The following CCDC80 variants were observed in gnomAD, a reference collection of about 807,000 sequenced individuals.
CCDC80 encodes the protein coiled-coil domain containing 80.
CCDC80 carries 49 observed loss-of-function variants against 78.7 expected under a neutral mutation model. The observed-to-expected ratio is 0.62, with a 90% CI of 0.50 to 0.79. The LOEUF (loss-of-function observed/expected upper bound fraction) is 0.79. Among genes scored for constraint, CCDC80 ranks in the 30% least tolerant of loss-of-function variants. The pLI is 0.00. For synonymous variants in CCDC80, 488 were observed against 447.0 expected, an observed-to-expected ratio of 1.09 and a Z score of -1.16; for missense variants, 1,205 against 1,198.6, an observed-to-expected ratio of 1.01 and a Z score of -0.08.
chr3:112,610,169 AT>A (rs761208387), intron 5 of CCDC80, 88 bp from the exon 6 acceptor site: 8 of 1,130,820 alleles, frequency 7.1e-6, no homozygotes, highest in Admixed American at 1.9e-5. Context: ...TAGGCTAGCA[AT>A]TTTTTTCTGT....
chr3:112,615,112 A>G (rs1479557705), intron 5 of CCDC80, among the ~76,000 whole-genome samples: 2 of 152,214 alleles, frequency 1.3e-5, no homozygotes, highest in Non-Finnish European at 2.9e-5. Flanking sequence ...AGGTTAATTG[A>G]AAAGGATCAA....
chr3:112,639,715 G>A lies in CCDC80; in HGVS notation c.191C>T (p.Ser64Phe). Residue 64 changes from serine (S) to phenylalanine (F), a missense_variant, in exon 2 of 8, where the codon TCC (serine) becomes TTC (phenylalanine). Transcript: ENST00000206423. ...HTGRSRGIER[S>F]TLEEPNLQPL... ...CTGAAGGTTTGGTTCCTCCAGAGTG[G>A]ATCTCTCAATTCCGCGAGACCTCCC... The A allele has an allele frequency of 6.2e-7, 1 of 1,614,164 alleles. No homozygotes were observed. Among genetic ancestry groups the A allele is most frequent in the African/African-American group, 1.3e-5 (1 of 75,024 alleles).
Position 112,611,967 on chromosome 3 carries a change from C to G in CCDC80, c.2322-1886G>C, listed in dbSNP as rs139219010. Among the ~76,000 whole-genome samples the G allele has an allele frequency of 1.7e-4, 25 of 151,032 alleles. No homozygotes were observed. In the East Asian group the frequency reaches 4.9e-3, roughly 29 times the overall value. On this transcript the variant is annotated intron_variant, in intron 5 of 7. Transcript: ENST00000206423. ...GAGAAAATGATAGTTTGATGAAATA[C>G]AACCTCTGAATGGATGCCTGCCGCA...
At chr3:112,619,838 T>G (rs1935827032) in intron 3 of CCDC80, among the ~76,000 whole-genome samples, 1 of 152,208 alleles carries the variant, frequency 6.6e-6, no homozygotes, top group Non-Finnish European at 1.5e-5. Flanking sequence ...ACTAGTGGCT[T>G]TACATGGCAA....
chr3:112,618,246 C>T (rs141928301), intron 4 of CCDC80, among the ~76,000 whole-genome samples: 11 of 152,276 alleles, frequency 7.2e-5, no homozygotes, highest in Admixed American at 5.9e-4. Flanking sequence ...TTTGGCAGGG[C>T]GTGGTGGCTC....
chr3:112,638,927 G>T lies in CCDC80; in HGVS notation c.979C>A (p.Arg327=), dbSNP rs753043836. The stretch of plus-strand genomic sequence containing the variant: ...GCCAGTTTTCTCAGGACCTTCACCC[G>T]ACTCTCTCTGGTTGGTGGGACTTGT... The part of the protein sequence containing the change: ...RAQVPPTRES[R]VKVLRKLAAT... Residue 327 remains arginine (R), a synonymous_variant, in exon 2 of 8, where the codon CGG becomes AGG. Transcript: ENST00000206423. The T allele has an allele frequency of 6.2e-7, 1 of 1,613,224 alleles. No homozygotes were observed.
chr3:112,631,796 A>G (rs1286639408), intron 2 of CCDC80, among the ~76,000 whole-genome samples: 1 of 152,164 alleles, frequency 6.6e-6, no homozygotes, highest in African/African-American at 2.4e-5. Flanking sequence ...TCCCCGCATG[A>G]CAAAATACTC....
intron 5 of CCDC80, among the ~76,000 whole-genome samples, chr3:112,615,624 C>T (rs1336505362): frequency 2.0e-5 from 3 of 151,992 alleles, no homozygotes; most frequent in East Asian, 1.9e-4. Flanking sequence ...CATTTCCAGA[C>T]GATTAAGGCA....
chr3:112,641,061 T>C lies in CCDC80; in HGVS notation c.-746A>G, dbSNP rs1559883989. 6.6e-6 allele frequency: 1 copy of C among 152,376 alleles called. No individual in the cohort carries two copies. Among genetic ancestry groups the C allele is most frequent in the East Asian group, 1.9e-4 (1 of 5,188 alleles). 9.4% of individuals were successfully genotyped at this position (152,376 alleles called of 1,614,324 possible). Reference sequence around the variant, plus strand: ...CCACTGGAAATCAAGGAAACTTCACTAAGAATTTAACAGATCAGCAAAACA... The same window carrying C: ...CCACTGGAAATCAAGGAAACTTCACCAAGAATTTAACAGATCAGCAAAACA... On this transcript the variant is annotated 5_prime_UTR_variant, in exon 1 of 8. The change abolishes the stop of an existing upstream ORF in the 5' untranslated region. Coordinates refer to ENST00000206423, the MANE Select transcript of CCDC80 (RefSeq NM_199511.3).
chr3:112,612,682 C>A (rs528820122), intron 5 of CCDC80, among the ~76,000 whole-genome samples: 65 of 152,216 alleles, frequency 4.3e-4, no homozygotes, highest in African/African-American at 1.5e-3. Flanking sequence ...TATGCATTTG[C>A]CCACTCTTTG....
In CCDC80 at chr3:112,603,374, G is replaced by A. The variant is rs1159991936; in HGVS notation, c.*2043C>T. The A allele has an allele frequency of 6.6e-6, 1 of 151,776 alleles. No homozygotes were observed. The highest frequency in any genetic ancestry group is 2.4e-5 in the African/African-American group (1 of 41,294). 9.4% of individuals were successfully genotyped at this position (151,776 alleles called of 1,614,324 possible). A position where few individuals can be genotyped will look rare whatever the true frequency, so the allele number is the denominator to read the frequency against. ...TACTAAAAATACAAAAATAAGCTGG[G>A]TGTAGTGGTGGGCGCCTGTAAATCC... On this transcript the variant is annotated 3_prime_UTR_variant, in exon 8 of 8. Transcript: ENST00000206423.
rs1465621267 is a variant in CCDC80 at position 112,605,436 on chromosome 3, T to G, written c.2834A>C (p.His945Pro). ...TTCTGCTCAGTAAGGGTATCCATGG[T>G]GATAACTCTCATGATGACGGTAGTC... ...QDDYRHHESY[H>P]HGYPY The change falls in exon 8 of 8, where the codon CAC becomes CCC. Residue 945 changes from histidine (H) to proline (P), a missense_variant. His to Pro is a moderately conservative substitution (Grantham distance 77). Coordinates refer to ENST00000206423, the MANE Select transcript of CCDC80 (RefSeq NM_199511.3). The G allele has an allele frequency of 1.9e-6, 3 of 1,613,180 alleles. No individual in the cohort carries two copies. In the African/African-American group the frequency reaches 4.0e-5, roughly 22 times the overall value.
chr3:112,627,988 T>C (rs1313921098), intron 3 of CCDC80, among the ~76,000 whole-genome samples: 8 of 152,058 alleles, frequency 5.3e-5, no homozygotes, highest in Admixed American at 1.3e-4. Context: ...AATGGGACCA[T>C]ATAGAAGTTG....
At chr3:112,618,713 A>C (rs1182622342) in intron 4 of CCDC80, among the ~76,000 whole-genome samples, 2 of 152,132 alleles carry the variant, frequency 1.3e-5, no homozygotes, top group African/African-American at 4.8e-5. Flanking sequence ...AATGTAAAAC[A>C]TTGTTGTTAG....
rs1436918843 is a variant in CCDC80, at chr3:112,630,115, A to C, written c.2033T>G (p.Leu678Arg). 1 of 1,613,454 alleles carries C rather than the reference A, an allele frequency of 6.2e-7. No homozygotes were observed. Among genetic ancestry groups the C allele is most frequent in the Non-Finnish European group, 8.5e-7 (1 of 1,179,612 alleles). Reference protein sequence around the residue: ...NSTMKIDHFQLDNEKPMRVVD... With the variant: ...NSTMKIDHFQRDNEKPMRVVD... ...ATAATTAAAATGTTTAAGAGAACCT[A>C]GCTGAAAGTGGTCGATTTTCATGGT... The change falls in exon 3 of 8, where the codon CTA becomes CGA. Residue 678 changes from leucine (L) to arginine (R), a missense_variant and splice_region_variant. Coordinates refer to ENST00000206423, the MANE Select transcript of CCDC80 (RefSeq NM_199511.3).
In CCDC80 at chr3:112,607,323, C is replaced by T. The variant is rs1410562783; in HGVS notation, c.2426-67G>A. The T allele has an allele frequency of 3.6e-6, 4 of 1,123,064 alleles. No individual in the cohort carries two copies. In the African/African-American group the frequency reaches 6.3e-5, roughly 18 times the overall value. The allele number at this position is 1,123,064 out of a possible 1,614,324, so 69.6% of individuals were successfully genotyped here. ...AGAAGTTATCTTTTACTTCAAAGCC[C>T]TGATATCTGACAATTAAAAATCTCT... is the stretch of plus-strand genomic sequence containing the variant. On this transcript the variant is annotated intron_variant, in intron 6 of 7. Coordinates refer to ENST00000206423, the MANE Select transcript of CCDC80 (RefSeq NM_199511.3).
intron 2 of CCDC80, among the ~76,000 whole-genome samples, chr3:112,635,583 G>A (rs147409372): frequency 6.6e-6 from 1 of 152,250 alleles, no homozygotes; most frequent in African/African-American, 2.4e-5. Flanking sequence ...TATTTCATTT[G>A]GTCTTTTCTA....
chr3:112,605,347 T>C lies in CCDC80; in HGVS notation c.*70A>G, dbSNP rs1481769121. 8.6e-6 allele frequency: 9 copies of C among 1,050,962 alleles called. No homozygotes were observed. The East Asian group carries it at 2.2e-4, about 25-fold the overall frequency. 65.1% of individuals were successfully genotyped at this position (1,050,962 alleles called of 1,614,324 possible). A position where few individuals can be genotyped will look rare whatever the true frequency, so the allele number is the denominator to read the frequency against. ...AAATGTAGTACGCAGTGTGGAAGAA[T>C]GGAGCTGGCCACATGTAGTTTTAGC... On this transcript the variant is annotated 3_prime_UTR_variant, in exon 8 of 8. Transcript: ENST00000206423.
chr3:112,612,861 T>A (rs1246515786), intron 5 of CCDC80, among the ~76,000 whole-genome samples: 1 of 139,826 alleles, frequency 7.2e-6, no homozygotes, highest in African/African-American at 2.7e-5. Context: ...ATTACAGGAC[T>A]GTAATTTTTT....
Sources: gnomAD v4.1 joint callset for allele counts (sites outside exome capture counted in the v4.1 genomes callset) on GRCh38, gnomAD v4.1.1 for gene constraint, MANE v1.5 for transcripts, NCBI Gene and HGNC (gene_info 2026-07-23, HGNC 2026-07-21) for gene names.